The following MYO16 variants were observed in gnomAD, a reference collection of about 807,000 sequenced individuals.
MYO16 encodes unconventional myosin-XVI.
In MYO16, 94 loss-of-function variants were observed where a neutral mutation model predicts 205.3. The ratio of observed to expected loss-of-function variants is 0.46; its 90% CI spans 0.39 to 0.54. The LOEUF (loss-of-function observed/expected upper bound fraction) is 0.54, where lower values mean the gene tolerates loss of function less well. MYO16 is among the 20% of genes least tolerant of loss of function. The pLI, the probability that MYO16 is intolerant of heterozygous loss-of-function variation, is 0.00. For synonymous variants in MYO16, 988 were observed against 954.0 expected (o/e 1.04, Z -0.66); for missense variants, 2,315 against 2,387.5 (o/e 0.97, Z 0.63).
intron 1 of MYO16, among the ~76,000 whole-genome samples, chr13:108,660,216 C>T (rs1229666108): frequency 2.0e-5 from 3 of 152,070 alleles, no homozygotes; most frequent in African/African-American, 4.8e-5. Flanking sequence ...GGGACATTTG[C>T]CTTGTTAAAA....
intron 1 of MYO16, among the ~76,000 whole-genome samples, chr13:108,643,617 C>A (rs912677494): frequency 6.6e-6 from 1 of 152,174 alleles, no homozygotes. Context: ...CATGTTGATG[C>A]ATATATCACA....
rs553382892 is a variant in MYO16, at chr13:108,897,024, A to T, written c.1660-992A>T. Among the ~76,000 whole-genome samples the T allele has an allele frequency of 8.8e-4, 134 of 152,166 alleles. No homozygotes were observed. In the East Asian group the frequency reaches 0.012, roughly 14 times the overall value. On this transcript the variant is annotated intron_variant, in intron 14 of 34. Transcript: ENST00000457511. ...AAATAAAATAAAAAGTAAATTTTTT[A>T]AAAAAAGTGGGATCAAAGCACTTAA...
intron 34 of MYO16, among the ~76,000 whole-genome samples, chr13:109,187,669 C>A (rs369007304): frequency 4.6e-5 from 7 of 152,128 alleles, no homozygotes; most frequent in African/African-American, 1.7e-4. Context: ...TTCCAGGTAC[C>A]TTTCTGCTGC....
At chr13:108,742,971 T>C (rs1375575168) in intron 4 of MYO16, among the ~76,000 whole-genome samples, 1 of 152,224 alleles carries the variant, frequency 6.6e-6, no homozygotes, top group Non-Finnish European at 1.5e-5. Flanking sequence ...TTCCATTTTG[T>C]CTTCAGCATG....
intron 22 of MYO16, among the ~76,000 whole-genome samples, chr13:109,014,336 G>A (rs112433310): frequency 0.017 from 2,567 of 152,170 alleles, 76 homozygotes; most frequent in African/African-American, 0.059. Context: ...TCTCTGTTTT[G>A]GTACCAGTAC....
intron 27 of MYO16, among the ~76,000 whole-genome samples, chr13:109,061,248 A>G (rs547685388): frequency 2.0e-5 from 3 of 152,220 alleles, no homozygotes; most frequent in African/African-American, 7.2e-5. Context: ...AGGCAGTTTC[A>G]CCTTCTTACA....
At chr13:108,882,269 G>A (rs1375898367) in intron 12 of MYO16, among the ~76,000 whole-genome samples, 2 of 152,144 alleles carry the variant, frequency 1.3e-5, no homozygotes, top group Non-Finnish European at 2.9e-5. Flanking sequence ...CCTCGTTCAG[G>A]ATTTCCCATT....
At chr13:108,542,653 A>G in the MYO16 span, among the ~76,000 whole-genome samples, 1 of 152,276 alleles carries the variant, frequency 6.6e-6, no homozygotes, top group African/African-American at 2.4e-5. Context: ...ATTCACTGGC[A>G]TTTATATAAA....
intron 5 of MYO16, among the ~76,000 whole-genome samples, chr13:108,788,467 C>T (rs139717682): frequency 3.3e-5 from 5 of 152,196 alleles, no homozygotes; most frequent in African/African-American, 1.2e-4. Context: ...ACAGGAGAGC[C>T]CAAGGAGCAC....
chr13:108,826,300 T>G (rs1439056335), intron 9 of MYO16, among the ~76,000 whole-genome samples: 2 of 152,124 alleles, frequency 1.3e-5, no homozygotes, highest in Non-Finnish European at 2.9e-5. Context: ...TTGCAAAGAA[T>G]GCCAAGATGA....
intron 9 of MYO16, among the ~76,000 whole-genome samples, chr13:108,824,790 C>T (rs1406409167): frequency 6.6e-6 from 1 of 151,596 alleles, no homozygotes. Flanking sequence ...CAATTGTATA[C>T]CAAAATATTA....
At chr13:109,080,652 G>T (rs1395292373) in intron 27 of MYO16, among the ~76,000 whole-genome samples, 1 of 151,804 alleles carries the variant, frequency 6.6e-6, no homozygotes, top group Non-Finnish European at 1.5e-5. Flanking sequence ...GTAGGAGTTA[G>T]CAGGAAATCC....
rs1292327241 is a variant in MYO16, at chr13:108,921,687, C to T, written c.1925+11537C>T. On this transcript the variant is annotated intron_variant, in intron 16 of 34. Transcript: ENST00000457511. ...TATATCCTCAATACAGGGTGACTGA[C>T]TGTCTTTTGCAATTTGTGAGTATTC... 2.6e-5 allele frequency among the ~76,000 whole-genome samples: 4 copies of T among 152,318 alleles called. No individual in the cohort carries two copies. The East Asian group carries it at 7.7e-4, about 29-fold the overall frequency.
chr13:108,999,022 G>A (rs576939004), intron 21 of MYO16, among the ~76,000 whole-genome samples: 1 of 152,182 alleles, frequency 6.6e-6, no homozygotes, highest in African/African-American at 2.4e-5. Flanking sequence ...GTTCAGAGAG[G>A]TGGGTAAATT....
At chr13:108,953,176 C>T (rs572604815) in intron 16 of MYO16, among the ~76,000 whole-genome samples, 1 of 152,352 alleles carries the variant, frequency 6.6e-6, no homozygotes, top group South Asian at 2.1e-4. Context: ...CAGTATACAA[C>T]AGCCAAGTGT....
intron 12 of MYO16, among the ~76,000 whole-genome samples, chr13:108,874,927 C>G (rs987490573): frequency 6.6e-6 from 1 of 152,016 alleles, no homozygotes; most frequent in Non-Finnish European, 1.5e-5. Flanking sequence ...TCTAGGCTCG[C>G]CAGAGATGGA....
At chr13:108,735,778 A>G (rs549127404) in intron 4 of MYO16, among the ~76,000 whole-genome samples, 7 of 151,340 alleles carry the variant, frequency 4.6e-5, no homozygotes, top group East Asian at 1.9e-4. Context: ...AAATGTTCCT[A>G]TTTCTCCACA....
intron 32 of MYO16, among the ~76,000 whole-genome samples, chr13:109,155,738 C>G (rs1422817535): frequency 6.6e-6 from 1 of 152,170 alleles, no homozygotes; most frequent in African/African-American, 2.4e-5. Context: ...TAGAATTGTG[C>G]TGTTCAAAAC....
At chr13:108,733,187 G>T (rs905546753) in intron 4 of MYO16, among the ~76,000 whole-genome samples, 2 of 152,178 alleles carry the variant, frequency 1.3e-5, no homozygotes, top group Non-Finnish European at 2.9e-5. Context: ...CTGGAACAGT[G>T]CTACTTGAAT....
Sources: gnomAD v4.1 joint callset for allele counts (sites outside exome capture counted in the v4.1 genomes callset) on GRCh38, gnomAD v4.1.1 for gene constraint, MANE v1.5 for transcripts, NCBI Gene and HGNC (gene_info 2026-07-23, HGNC 2026-07-21) for gene names.